The following SLC38A8 variants were observed in gnomAD, a reference collection of about 807,000 sequenced individuals.
The protein encoded by SLC38A8 is solute carrier family 38 member 8.
A neutral mutation model predicts 46.0 loss-of-function variants in SLC38A8; 65 were observed. That is an observed-to-expected ratio of 1.41 (90% CI 1.16 to 1.74). The LOEUF (loss-of-function observed/expected upper bound fraction) is 1.74, where lower values mean the gene tolerates loss of function less well. Ranked by LOEUF, SLC38A8 falls within the 40% of genes most tolerant of loss-of-function variation. The pLI is 0.00. For synonymous variants in SLC38A8, 447 were observed against 243.7 expected (o/e 1.83, Z -7.77); for missense variants, 998 against 567.9 (o/e 1.76, Z -7.70).
Position 84,030,085 on chromosome 16 carries a change from G to T in SLC38A8, c.633-534C>A, listed in dbSNP as rs117627684. On this transcript the variant is annotated intron_variant, in intron 5 of 10. Coordinates refer to ENST00000299709, the MANE Select transcript of SLC38A8 (RefSeq NM_001080442.3). ...GTAAGATGAAGTCATGGTGGATTAG[G>T]GTGAGCCTGAATCCAATGCCTGCTG... 1.9e-3 allele frequency among the ~76,000 whole-genome samples: 283 copies of T among 152,278 alleles called. 2 individuals carry two copies. Among genetic ancestry groups the T allele is most frequent in the South Asian group, 3.7e-3 (18 of 4,824 alleles).
intron 10 of SLC38A8, among the ~76,000 whole-genome samples, 182 bp downstream of exon 10, chr16:84,012,819 G>A (rs1012673217): frequency 2.0e-4 from 31 of 152,328 alleles, no homozygotes; most frequent in Non-Finnish European, 4.0e-4. Flanking sequence ...TTACTGGCCC[G>A]GGCTCCTATC....
chr16:84,036,618 C>G (rs2085301873), intron 3 of SLC38A8, 84 bp downstream of exon 3: 2 of 1,497,774 alleles, frequency 1.3e-6, no homozygotes, highest in African/African-American at 1.4e-5. Flanking sequence ...GGCCAGGGCC[C>G]CACGTCCTGC....
chr16:84,011,937 A>G (rs2084958989), intron 10 of SLC38A8, among the ~76,000 whole-genome samples: 1 of 152,168 alleles, frequency 6.6e-6, no homozygotes, highest in African/African-American at 2.4e-5. Flanking sequence ...AGACACAGGG[A>G]GAAAGCTAAA....
At chr16:84,039,991 G>C (rs1463032987) in intron 2 of SLC38A8, 1 of 152,214 alleles carries the variant, frequency 6.6e-6, no homozygotes, top group Non-Finnish European at 1.5e-5. Context: ...CTTAGCTCCT[G>C]AGATCAGATG....
intron 7 of SLC38A8, among the ~76,000 whole-genome samples, chr16:84,017,676 G>A (rs994434652): frequency 6.6e-6 from 1 of 152,188 alleles, no homozygotes; most frequent in African/African-American, 2.4e-5. Flanking sequence ...TCCAAATGGG[G>A]AAAACCAAGA....
chr16:84,012,306 C>T (rs577288266), intron 10 of SLC38A8, among the ~76,000 whole-genome samples: 2 of 152,314 alleles, frequency 1.3e-5, no homozygotes, highest in South Asian at 4.1e-4. Context: ...GTGGGTCAGA[C>T]TCAGCTGCTC....
chr16:84,025,030 G>A (rs1002984405), intron 6 of SLC38A8, among the ~76,000 whole-genome samples: 3 of 152,136 alleles, frequency 2.0e-5, no homozygotes, highest in South Asian at 4.1e-4. Context: ...AAGAGCCCAT[G>A]AGTCATGTGA....
chr16:84,031,218 T>G (rs558902567), intron 5 of SLC38A8, among the ~76,000 whole-genome samples: 11 of 152,186 alleles, frequency 7.2e-5, no homozygotes, highest in African/African-American at 2.2e-4. Flanking sequence ...TTTTATATTT[T>G]TATGTAGAGA....
At chr16:84,012,351 C>T (rs1207690189) in intron 10 of SLC38A8, among the ~76,000 whole-genome samples, 1 of 152,188 alleles carries the variant, frequency 6.6e-6, no homozygotes, top group African/African-American at 2.4e-5. Context: ...CGTGTCTGAT[C>T]CACAGGTCCG....
intron 2 of SLC38A8, among the ~76,000 whole-genome samples, chr16:84,039,009 G>A (rs149500322): frequency 1.5e-4 from 23 of 152,284 alleles, no homozygotes; most frequent in African/African-American, 5.3e-4. Flanking sequence ...AAAGGGGTTT[G>A]CCTCTATCAT....
chr16:84,033,409 C>A lies in SLC38A8; in HGVS notation c.449G>T (p.Arg150Leu). ...PAPQPWYADQRFTLPLLSVLV... is the reference protein window; with the variant it reads ...PAPQPWYADQLFTLPLLSVLV... ...CACGGAGAGCAGGGGCAGGGTGAAGCGCTGGTCTGCGTACCACGGCTGCGG... is the reference window on the plus strand; with the variant it reads ...CACGGAGAGCAGGGGCAGGGTGAAGAGCTGGTCTGCGTACCACGGCTGCGG... The change falls in exon 4 of 11, where the codon CGC becomes CTC. Residue 150 changes from arginine to leucine, a missense_variant. By Grantham distance (102) the Arg-to-Leu change is moderately radical. Coordinates refer to ENST00000299709, the MANE Select transcript of SLC38A8 (RefSeq NM_001080442.3). The A allele has an allele frequency of 6.2e-7, 1 of 1,613,648 alleles. No individual in the cohort carries two copies. The highest frequency in any genetic ancestry group is 2.2e-5 in the East Asian group (1 of 44,858).
chr16:84,012,595 G>C (rs750963972), intron 10 of SLC38A8, among the ~76,000 whole-genome samples: 1 of 152,206 alleles, frequency 6.6e-6, no homozygotes, highest in Non-Finnish European at 1.5e-5. Flanking sequence ...TAGCAGAGGA[G>C]CCTGGGAACA....
At chr16:84,023,494 G>GT (rs2085120549) in intron 6 of SLC38A8, among the ~76,000 whole-genome samples, 1 of 152,010 alleles carries the variant, frequency 6.6e-6, no homozygotes, top group Non-Finnish European at 1.5e-5. Flanking sequence ...AGCAGAGGGC[G>GT]TAAGTAAATG....
At chr16:84,011,840 C>T (rs11862888) in intron 10 of SLC38A8, among the ~76,000 whole-genome samples, 42,346 of 151,980 alleles carry the variant, frequency 0.28, 8,347 homozygotes, top group African/African-American at 0.56. Flanking sequence ...GCCACAATTA[C>T]GCCACTGCAC....
intron 10 of SLC38A8, among the ~76,000 whole-genome samples, chr16:84,010,331 A>G (rs993047006): frequency 6.6e-6 from 1 of 151,958 alleles, no homozygotes; most frequent in Non-Finnish European, 1.5e-5. Flanking sequence ...TCAGCTTCCT[A>G]AAGTACTGGG....
chr16:84,015,037 T>C (rs567733832), intron 9 of SLC38A8, among the ~76,000 whole-genome samples: 3 of 152,300 alleles, frequency 2.0e-5, no homozygotes, highest in Admixed American at 6.5e-5. Context: ...TCTTGTCTGT[T>C]TGACATAACG....
intron 7 of SLC38A8, among the ~76,000 whole-genome samples, chr16:84,018,477 C>T (rs2085057996): frequency 6.6e-6 from 1 of 152,082 alleles, no homozygotes; most frequent in Non-Finnish European, 1.5e-5. Flanking sequence ...CCCTGGCCTC[C>T]CAAAGTGCTG....
intron 5 of SLC38A8, among the ~76,000 whole-genome samples, chr16:84,031,575 CCA>C (rs1396530525): frequency 6.8e-6 from 1 of 147,834 alleles, no homozygotes; most frequent in African/African-American, 2.4e-5. Flanking sequence ...TTCTGTACCT[CCA>C]CACTGTGGGG....
intron 7 of SLC38A8, among the ~76,000 whole-genome samples, chr16:84,018,319 G>A (rs911290039): frequency 8.3e-5 from 11 of 132,954 alleles, no homozygotes; most frequent in Middle Eastern, 4.1e-3. Flanking sequence ...TGCAAGCTCC[G>A]CCTCCTGGGT....
Sources: gnomAD v4.1 joint callset for allele counts (sites outside exome capture counted in the v4.1 genomes callset) on GRCh38, gnomAD v4.1.1 for gene constraint, MANE v1.5 for transcripts, NCBI Gene and HGNC (gene_info 2026-07-23, HGNC 2026-07-21) for gene names.